Variants in NDST1 observed in about 807,000 individuals in gnomAD.
NDST1 encodes the protein bifunctional heparan sulfate N-deacetylase/N-sulfotransferase 1.
Under a neutral mutation model 92.8 loss-of-function variants are expected in NDST1, and 35 were observed. That is an observed-to-expected ratio of 0.38 (90% CI 0.29 to 0.50). NDST1 has a LOEUF of 0.50. Among genes scored for constraint, NDST1 ranks in the 20% least tolerant of loss-of-function variants. The pLI is 0.94. For synonymous variants in NDST1, 493 were observed against 500.3 expected (o/e 0.99, Z 0.19); for missense variants, 822 against 1,182.7 (o/e 0.69, Z 4.47).
chr5:150,543,873 G>A (rs185698520), intron 10 of NDST1, among the ~76,000 whole-genome samples: 116 of 151,844 alleles, frequency 7.6e-4, no homozygotes, highest in African/African-American at 2.2e-3. Context: ...TCTGCTTCCC[G>A]GGTTCAAGTG....
Position 150,553,973 on chromosome 5 carries a change from G to A in NDST1, c.*641G>A. 2.4e-6 allele frequency: 1 copy of A among 409,344 alleles called. No individual in the cohort carries two copies. Among genetic ancestry groups the A allele is most frequent in the Admixed American group, 3.9e-5 (1 of 25,592 alleles). 25.4% of individuals were successfully genotyped at this position (409,344 alleles called of 1,614,324 possible). A position where few individuals can be genotyped will look rare whatever the true frequency, so the allele number is the denominator to read the frequency against. On this transcript the variant is annotated 3_prime_UTR_variant, in exon 15 of 15. Coordinates refer to ENST00000261797, the MANE Select transcript of NDST1 (RefSeq NM_001543.5). The surrounding 1 kb of genome is among the most constrained non-coding windows in gnomAD (Gnocchi z 4.2). Reference sequence around the variant, plus strand: ...ACTCCATCCTCAAGGCTTCCCGCAGGGCCTTGGGGCACTGCCTTGCCATCG... The same window carrying A: ...ACTCCATCCTCAAGGCTTCCCGCAGAGCCTTGGGGCACTGCCTTGCCATCG...
At chr5:150,506,442 C>G (rs1035581773), upstream of NDST1, among the ~76,000 whole-genome samples, 1 of 152,122 alleles carries the variant, frequency 6.6e-6, no homozygotes, top group Admixed American at 6.5e-5. Context: ...AAAGGCTCCT[C>G]GCGGGCCTCA....
upstream of NDST1, among the ~76,000 whole-genome samples, chr5:150,506,499 G>C (rs1282659988): frequency 6.6e-6 from 1 of 152,110 alleles, no homozygotes; most frequent in African/African-American, 2.4e-5. Context: ...CTGGAACCCT[G>C]GTCTCCTGGC....
chr5:150,500,442 TG>T (rs1382852884), intron 1 of NDST1, among the ~76,000 whole-genome samples: 1 of 152,220 alleles, frequency 6.6e-6, no homozygotes, highest in Non-Finnish European at 1.5e-5. Context: ...GCCAATGTTC[TG>T]GGCTTCCCCA....
At chr5:150,548,945 G>C (rs893231018) in intron 12 of NDST1, among the ~76,000 whole-genome samples, 1 of 152,220 alleles carries the variant, frequency 6.6e-6, no homozygotes, top group Non-Finnish European at 1.5e-5. Flanking sequence ...CCTGAGGCAG[G>C]CAGGTGGGAG....
At chr5:150,537,177 C>T (rs1201428383) in intron 6 of NDST1, among the ~76,000 whole-genome samples, 1 of 152,180 alleles carries the variant, frequency 6.6e-6, no homozygotes, top group Admixed American at 6.5e-5. Flanking sequence ...GTCTCAGGAC[C>T]CTGTGATGAT....
At chr5:150,540,378 T>C in intron 8 of NDST1, 114 bp downstream of exon 8, 1 of 1,172,660 alleles carries the variant, frequency 8.5e-7, no homozygotes, top group Non-Finnish European at 1.2e-6. Flanking sequence ...ACACTCTCGC[T>C]CGAATGTAAA....
intron 11 of NDST1, among the ~76,000 whole-genome samples, chr5:150,547,203 C>T (rs1483559719): frequency 6.6e-6 from 1 of 152,202 alleles, no homozygotes; most frequent in Non-Finnish European, 1.5e-5. Context: ...AGACCCTATT[C>T]CTTTTTCTGT....
chr5:150,536,536 G>A (rs1472840050), intron 6 of NDST1, among the ~76,000 whole-genome samples: 1 of 151,762 alleles, frequency 6.6e-6, no homozygotes, highest in African/African-American at 2.4e-5. Flanking sequence ...TTTCCCCTGG[G>A]GCTTCTACCA....
In NDST1 at chr5:150,535,021, C is replaced by G. The variant is rs200895302; in HGVS notation, c.1251C>G (p.Val417=). ...TGGCCTTGAACAAGAAGTTCGCTGT[C>G]GTGAGTAAGATTCCTTGCAGGGCAG... The part of the protein sequence containing the change: ...EQMALNKKFA[V]EHGIPTDMGY... The change falls in exon 5 of 15, where the codon GTC becomes GTG. Residue 417 remains valine, a splice_region_variant and synonymous_variant. Coordinates refer to ENST00000261797, the MANE Select transcript of NDST1 (RefSeq NM_001543.5). The G allele has an allele frequency of 2.5e-6, 4 of 1,613,720 alleles. No homozygotes were observed. The highest frequency in any genetic ancestry group is 1.1e-5 in the South Asian group (1 of 91,012).
Position 150,556,739 on chromosome 5 carries a change from C to G in NDST1, c.*3407C>G, listed in dbSNP as rs371061498. On this transcript the variant is annotated 3_prime_UTR_variant, in exon 15 of 15. Transcript: ENST00000261797. ...CATTGGCCCAGTATCACAGCCAAGA[C>G]GAGAAGTCATTTCCCAGCGATGTCT... The G allele has an allele frequency of 2.0e-5, 3 of 152,364 alleles. No individual in the cohort carries two copies. Among genetic ancestry groups the G allele is most frequent in the African/African-American group, 4.8e-5 (2 of 41,426 alleles). 9.4% of individuals were successfully genotyped at this position (152,364 alleles called of 1,614,324 possible).
chr5:150,535,738 G>A lies in NDST1; in HGVS notation c.1290G>A (p.Ala430=), dbSNP rs1561601763. 9.9e-6 allele frequency: 16 copies of A among 1,614,078 alleles called. No homozygotes were observed. The highest frequency in any genetic ancestry group is 1.6e-4 in the Middle Eastern group (1 of 6,084). The stretch of plus-strand genomic sequence containing the variant: ...CCACAGACATGGGGTATGCAGTGGC[G>A]CCCCACCACTCGGGCGTGTACCCCG... ...GIPTDMGYAV[A]PHHSGVYPVH... Residue 430 remains alanine, a synonymous_variant, in exon 6 of 15, where the codon GCG becomes GCA. Coordinates refer to ENST00000261797, the MANE Select transcript of NDST1 (RefSeq NM_001543.5).
chr5:150,510,275 A>G (rs892937342), intron 1 of NDST1, among the ~76,000 whole-genome samples: 3 of 152,182 alleles, frequency 2.0e-5, no homozygotes, highest in Non-Finnish European at 2.9e-5. Flanking sequence ...GCCGCCAGTA[A>G]GGGAGGTTAT....
upstream of NDST1, among the ~76,000 whole-genome samples, chr5:150,505,418 G>T (rs1003372529): frequency 6.6e-5 from 10 of 152,202 alleles, no homozygotes; most frequent in Non-Finnish European, 1.2e-4. Flanking sequence ...GACAGATGCT[G>T]GTTCGAATCT....
intron 3 of NDST1, among the ~76,000 whole-genome samples, chr5:150,531,809 G>A (rs1340432924): frequency 1.3e-5 from 2 of 151,530 alleles, no homozygotes; most frequent in Non-Finnish European, 2.9e-5. Context: ...GCTCTTACAG[G>A]TTTCTGAGCT....
At chr5:150,507,508 C>G (rs1456533827), upstream of NDST1, 1 of 152,328 alleles carries the variant, frequency 6.6e-6, no homozygotes, top group Admixed American at 6.5e-5. Flanking sequence ...AGCTCTAGCA[C>G]TTTGAGGCTC....
chr5:150,530,345 A>G (rs573191975), intron 3 of NDST1, among the ~76,000 whole-genome samples: 1 of 152,116 alleles, frequency 6.6e-6, no homozygotes, highest in Non-Finnish European at 1.5e-5. Context: ...GCCTCTGGCA[A>G]GGTAGATTGC....
In NDST1 at chr5:150,544,029, C is replaced by T. The variant is rs551936474; in HGVS notation, c.1970+1058C>T. 5.9e-5 allele frequency among the ~76,000 whole-genome samples: 9 copies of T among 152,358 alleles called. No individual in the cohort carries two copies. In the South Asian group the frequency reaches 1.2e-3, roughly 21 times the overall value. ...TCCTGACCTCGTGATCTGCCCGCCT[C>T]GGCCTCCCAAAGTGCTGGGATTACG... is the stretch of plus-strand genomic sequence containing the variant. On this transcript the variant is annotated intron_variant, in intron 10 of 14. Transcript: ENST00000261797.
Position 150,521,484 on chromosome 5 carries a change from C to T in NDST1, c.230C>T (p.Thr77Ile), listed in dbSNP as rs868838078. Residue 77 changes from threonine (T) to isoleucine (I), a missense_variant, in exon 2 of 15, where the codon ACC (threonine) becomes ATC (isoleucine). Physicochemically the swap from Thr to Ile is moderately conservative, Grantham distance 89. Transcript: ENST00000261797. This position sits in a 1 kb window ranked among gnomAD's most constrained non-coding sequence, Gnocchi z 5.9. Reference sequence around the variant, plus strand: ...CCACTCAAGCCTGTGCAGGCAGCCACCCCTTCCCGCACAGACCCGTTGGTG... The same window carrying T: ...CCACTCAAGCCTGTGCAGGCAGCCATCCCTTCCCGCACAGACCCGTTGGTG... ...LLPLKPVQAA[T>I]PSRTDPLVLV... is the part of the protein sequence containing the mutation. The T allele has an allele frequency of 6.2e-7, 1 of 1,613,892 alleles. No homozygotes were observed. The highest frequency in any genetic ancestry group is 1.3e-5 in the African/African-American group (1 of 74,928).
Sources: gnomAD v4.1 joint callset for allele counts (sites outside exome capture counted in the v4.1 genomes callset) on GRCh38, gnomAD v4.1.1 for gene constraint, Gnocchi (gnomAD v3.1) non-coding constraint, MANE v1.5 for transcripts, NCBI Gene and HGNC (gene_info 2026-07-23, HGNC 2026-07-21) for gene names.